PTPRD: variants seen among roughly 807,000 people sequenced by gnomAD.
PTPRD encodes protein tyrosine phosphatase receptor type D.
Under a neutral mutation model 214.5 loss-of-function variants are expected in PTPRD, and 34 were observed. The ratio of observed to expected loss-of-function variants is 0.16; its 90% CI spans 0.12 to 0.21. PTPRD has a LOEUF of 0.21. Ranked by LOEUF, PTPRD falls within the 10% of genes least tolerant of loss-of-function variation. The probability of loss-of-function intolerance (pLI) is 1.00; values close to 1 mark genes in which losing one functional copy is unlikely to be tolerated. For missense variants in PTPRD, 2,545 were observed against 2,398.7 expected (o/e 1.06, Z -1.27); for synonymous variants, 1,128 against 845.7 (o/e 1.33, Z -5.79).
chr9:8,557,245 G>A (rs554439616), intron 14 of PTPRD, among the ~76,000 whole-genome samples: 4 of 151,902 alleles, frequency 2.6e-5, no homozygotes, highest in African/African-American at 7.3e-5. Context: ...TCTTGACAAC[G>A]GTCATTACTA....
intron 11 of PTPRD, among the ~76,000 whole-genome samples, chr9:8,859,463 A>C (rs1386929269): frequency 6.6e-6 from 1 of 152,194 alleles, no homozygotes; most frequent in Non-Finnish European, 1.5e-5. Flanking sequence ...ATTTATTAGA[A>C]ACTTGGTCAG....
At chr9:9,392,792 G>C (rs2066336745) in intron 9 of PTPRD, among the ~76,000 whole-genome samples, 1 of 152,108 alleles carries the variant, frequency 6.6e-6, no homozygotes, top group Non-Finnish European at 1.5e-5. Flanking sequence ...ACAATATTTT[G>C]TAGTCTGTTT....
intron 7 of PTPRD, among the ~76,000 whole-genome samples, chr9:9,729,705 G>A (rs1309503605): frequency 6.6e-6 from 1 of 151,926 alleles, no homozygotes; most frequent in Non-Finnish European, 1.5e-5. Context: ...TTGGGGTCAT[G>A]TCATATCCTT....
At chr9:9,467,301 G>A (rs1589188336) in intron 8 of PTPRD, among the ~76,000 whole-genome samples, 1 of 130,544 alleles carries the variant, frequency 7.7e-6, no homozygotes, top group Non-Finnish European at 1.6e-5. Context: ...CCTAGAAGTT[G>A]AACAGGCTAG....
intron 14 of PTPRD, among the ~76,000 whole-genome samples, chr9:8,546,862 TCA>T (rs978625269): frequency 3.3e-5 from 5 of 152,214 alleles, no homozygotes; most frequent in Non-Finnish European, 7.3e-5. Context: ...TGCATCTGTG[TCA>T]CAGTTTCCCT....
chr9:9,507,544 G>GA (rs1297519937), intron 8 of PTPRD, among the ~76,000 whole-genome samples: 33 of 151,390 alleles, frequency 2.2e-4, no homozygotes, highest in African/African-American at 7.5e-4. Context: ...TGGAAAGGGA[G>GA]AACAGAAAGT....
intron 2 of PTPRD, among the ~76,000 whole-genome samples, chr9:10,362,478 T>G (rs1475897705): frequency 1.3e-5 from 2 of 152,008 alleles, no homozygotes; most frequent in Admixed American, 1.3e-4. Flanking sequence ...TGTAGAAGGT[T>G]TTCTAAAAAT....
chr9:9,725,343 T>G (rs2098066016), intron 7 of PTPRD, among the ~76,000 whole-genome samples: 1 of 151,506 alleles, frequency 6.6e-6, no homozygotes, highest in Admixed American at 6.6e-5. Context: ...CTGCCATCCA[T>G]GTAAAAGACA....
intron 7 of PTPRD, among the ~76,000 whole-genome samples, chr9:9,582,904 C>T (rs2091141464): frequency 6.6e-6 from 1 of 151,822 alleles, no homozygotes; most frequent in Non-Finnish European, 1.5e-5. Flanking sequence ...GAATTAACAC[C>T]AAGAAAAACC....
At position 9,663,235 on chromosome 9, in the gene PTPRD, G is replaced by T. The variant is rs546930330; in HGVS notation, c.-287+71298C>A. On this transcript the variant is annotated intron_variant, in intron 7 of 45. Coordinates refer to ENST00000381196, the MANE Select transcript of PTPRD (RefSeq NM_002839.4). ...CCACATTACTCAGTAGTCATGGAAA[G>T]AAAATACAACTTATTTTTAAATAGG... Among the ~76,000 whole-genome samples the T allele has an allele frequency of 4.1e-4, 62 of 151,314 alleles. 2 individuals carry two copies. The South Asian group carries it at 9.7e-3, about 24-fold the overall frequency.
chr9:10,104,097 A>G (rs1458100923), intron 3 of PTPRD, among the ~76,000 whole-genome samples: 2 of 151,876 alleles, frequency 1.3e-5, no homozygotes, highest in East Asian at 3.9e-4. Context: ...TTCCACTTAT[A>G]TGAGGTACCC....
chr9:9,704,032 G>A (rs2097550071), intron 7 of PTPRD, among the ~76,000 whole-genome samples: 1 of 152,106 alleles, frequency 6.6e-6, no homozygotes, highest in African/African-American at 2.4e-5. Context: ...ACTGGCATGA[G>A]CCACTGCACC....
chr9:10,455,244 C>T (rs1177822783), intron 2 of PTPRD, among the ~76,000 whole-genome samples: 1 of 151,620 alleles, frequency 6.6e-6, no homozygotes, highest in African/African-American at 2.4e-5. Context: ...TCTTTCATTA[C>T]TTTACGTGAA....
At chr9:9,811,685 T>C (rs2047197911) in intron 5 of PTPRD, among the ~76,000 whole-genome samples, 1 of 152,092 alleles carries the variant, frequency 6.6e-6, no homozygotes, top group South Asian at 2.1e-4. Flanking sequence ...CCAGCCTGGG[T>C]GACAGAGCGA....
intron 5 of PTPRD, among the ~76,000 whole-genome samples, chr9:9,928,864 A>G (rs2085324557): frequency 6.6e-6 from 1 of 151,954 alleles, no homozygotes; most frequent in South Asian, 2.1e-4. Flanking sequence ...GTAAGCTATT[A>G]TTTCACTTGG....
intron 12 of PTPRD, among the ~76,000 whole-genome samples, chr9:8,644,937 T>A (rs2096655482): frequency 6.6e-6 from 1 of 152,140 alleles, no homozygotes; most frequent in Non-Finnish European, 1.5e-5. Context: ...AAAACTTGGA[T>A]AAAGGTGCCA....
In PTPRD at chr9:8,934,423, A is replaced by ATATATATATATATATATATAAATT. The variant is rs2098976080; in HGVS notation, c.-104+84273_-104+84274insAATTTATATATATATATATATATA. ...TGTGTGTGTGTGTGTGTGTGTGTGT[A>ATATATATATATATATATATAAATT]TATATATATATAAATATATATATAA... On this transcript the variant is annotated intron_variant, in intron 11 of 45. Coordinates refer to ENST00000381196, the MANE Select transcript of PTPRD (RefSeq NM_002839.4). Among the ~76,000 whole-genome samples, 4 of 60,040 alleles carry ATATATATATATATATATATAAATT rather than the reference A, an allele frequency of 6.7e-5. No homozygotes were observed. The Admixed American group carries it at 1.2e-3, about 19-fold the overall frequency. The allele number at this position is 60,040 out of a possible 152,430, so 39.4% of individuals were successfully genotyped here.
intron 3 of PTPRD, among the ~76,000 whole-genome samples, chr9:10,095,897 C>T (rs77088758): frequency 0.019 from 2,942 of 151,586 alleles, 49 homozygotes; most frequent in Middle Eastern, 0.037. Flanking sequence ...GTACTTTTTC[C>T]TATTAAAAAG....
intron 11 of PTPRD, among the ~76,000 whole-genome samples, chr9:8,996,637 G>A (rs1000545479): frequency 1.3e-5 from 2 of 152,016 alleles, no homozygotes; most frequent in Non-Finnish European, 2.9e-5. Context: ...TTCAGTGTCT[G>A]GTGAGGGCCT....
Sources: gnomAD v4.1 joint callset for allele counts (sites outside exome capture counted in the v4.1 genomes callset) on GRCh38, gnomAD v4.1.1 for gene constraint, MANE v1.5 for transcripts, NCBI Gene and HGNC (gene_info 2026-07-23, HGNC 2026-07-21) for gene names.